MYO9A: variants seen among roughly 807,000 people sequenced by gnomAD.
MYO9A encodes the protein myosin IXA.
A neutral mutation model predicts 293.3 loss-of-function variants in MYO9A; 103 were observed. The ratio of observed to expected loss-of-function variants is 0.35; its 90% confidence interval spans 0.30 to 0.41. MYO9A has a LOEUF of 0.41. Among genes scored for constraint, MYO9A ranks in the 10% least tolerant of loss-of-function variants. MYO9A has a pLI of 1.00. For missense variants in MYO9A, 2,685 were observed against 3,033.0 expected, an observed-to-expected ratio of 0.89 and a Z score of 2.69; for synonymous variants, 1,001 against 1,035.7, an observed-to-expected ratio of 0.97 and a Z score of 0.64.
At chr15:71,938,302 TCTC>T (rs1245584114) in intron 16 of MYO9A, among the ~76,000 whole-genome samples, 1 of 151,530 alleles carries the variant, frequency 6.6e-6, no homozygotes, top group Non-Finnish European at 1.5e-5. Context: ...GAAACAATGT[TCTC>T]CTCATACAAA....
intron 4 of MYO9A, 74 bp downstream of exon 4, chr15:72,027,657 C>T: frequency 8.7e-7 from 1 of 1,155,040 alleles, no homozygotes; most frequent in East Asian, 2.4e-5. Context: ...GGTCATAATA[C>T]ACAAAGACCT....
At chr15:72,023,776 G>A (rs1035391863) in intron 4 of MYO9A, among the ~76,000 whole-genome samples, 9 of 148,558 alleles carry the variant, frequency 6.1e-5, no homozygotes, top group Non-Finnish European at 1.0e-4. Flanking sequence ...GGGACATAAA[G>A]AATACTTGAA....
chr15:72,062,591 T>C (rs1408592788), intron 1 of MYO9A, among the ~76,000 whole-genome samples: 3 of 152,050 alleles, frequency 2.0e-5, no homozygotes, highest in Admixed American at 6.6e-5. Flanking sequence ...AACAGCAGAA[T>C]TGGTCAAGCA....
chr15:71,856,852 A>G (rs1429652857), intron 34 of MYO9A, among the ~76,000 whole-genome samples: 1 of 152,214 alleles, frequency 6.6e-6, no homozygotes, highest in African/African-American at 2.4e-5. Flanking sequence ...CCTTGTCACT[A>G]TGTGAACTTG....
intron 1 of MYO9A, among the ~76,000 whole-genome samples, chr15:72,091,087 T>TA (rs2079892080): frequency 6.6e-6 from 1 of 151,986 alleles, no homozygotes; most frequent in Non-Finnish European, 1.5e-5. Flanking sequence ...TAGTCCTAGC[T>TA]ACTTGGCAGG....
intron 9 of MYO9A, among the ~76,000 whole-genome samples, chr15:71,998,391 C>T (rs2076762123): frequency 6.6e-6 from 1 of 151,962 alleles, no homozygotes; most frequent in South Asian, 2.1e-4. Flanking sequence ...CAACAAACCC[C>T]CATGACACAA....
chr15:72,074,698 G>A (rs1425142899), intron 1 of MYO9A, among the ~76,000 whole-genome samples: 1 of 152,218 alleles, frequency 6.6e-6, no homozygotes, highest in Non-Finnish European at 1.5e-5. Flanking sequence ...CTGCAGAGTA[G>A]AAAGTCAAGT....
intron 1 of MYO9A, among the ~76,000 whole-genome samples, chr15:72,084,989 T>C (rs1223737854): frequency 6.6e-6 from 1 of 152,216 alleles, no homozygotes; most frequent in African/African-American, 2.4e-5. Flanking sequence ...GAGGTTTTGT[T>C]TGTTCATCTT....
At chr15:71,870,215 TAA>T (rs937709972) in intron 32 of MYO9A, among the ~76,000 whole-genome samples, 6 of 140,828 alleles carry the variant, frequency 4.3e-5, no homozygotes, top group Admixed American at 7.1e-5. Flanking sequence ...TAAAAGTGGT[TAA>T]AAAAAAAAAA....
At chr15:72,099,909 CAAAAAAA>C (rs34892673) in intron 1 of MYO9A, among the ~76,000 whole-genome samples, 1 of 39,818 alleles carries the variant, frequency 2.5e-5, no homozygotes, top group African/African-American at 1.3e-4. Context: ...GACTTGGTCT[CAAAAAAA>C]AAAAAAAAAA....
At position 71,935,233 on chromosome 15, in the gene MYO9A, G is replaced by T. The variant is rs532533554; in HGVS notation, c.2522+108C>A. The T allele has an allele frequency of 2.8e-5, 34 of 1,213,354 alleles. No homozygotes were observed. The African/African-American group carries it at 4.9e-4, about 17-fold the overall frequency. 75.2% of individuals were successfully genotyped at this position (1,213,354 alleles called of 1,614,324 possible). ...TTGTTTCAGTCAAAATTCTTCCCAT[G>T]AAAATAACATTTCACCATCTTCCTT... On this transcript the variant is annotated intron_variant, in intron 17 of 41. Transcript: ENST00000356056.
chr15:72,110,214 T>C (rs1400190499), intron 1 of MYO9A, among the ~76,000 whole-genome samples: 1 of 151,148 alleles, frequency 6.6e-6, no homozygotes, highest in Non-Finnish European at 1.5e-5. Context: ...GGCAGGTAGA[T>C]TACCTGAGGT....
chr15:71,982,005 ATTTTTTTTTTTTTTTT>A (rs750930471), intron 11 of MYO9A, among the ~76,000 whole-genome samples: 1 of 56,258 alleles, frequency 1.8e-5, no homozygotes, highest in Non-Finnish European at 2.9e-5. Context: ...CCTATTTAGA[ATTTTTTTTTTTTTTTT>A]TTTTTTTTTT....
At chr15:71,972,743 T>C (rs1302401265) in intron 12 of MYO9A, among the ~76,000 whole-genome samples, 1 of 152,148 alleles carries the variant, frequency 6.6e-6, no homozygotes, top group Non-Finnish European at 1.5e-5. Flanking sequence ...CACTGAAACA[T>C]GTGGTTTGGG....
chr15:71,894,765 T>C (rs2057276210), intron 25 of MYO9A, among the ~76,000 whole-genome samples: 1 of 152,356 alleles, frequency 6.6e-6, no homozygotes, highest in Admixed American at 6.5e-5. Context: ...CATTAAATTC[T>C]GGGCAGAAAT....
In MYO9A at chr15:72,031,299, A is replaced by C. The variant is rs138336385; in HGVS notation, c.935+1195T>G. ...CCTGAAATCCAAGATTAGCCTGGCC[A>C]ACACAGTGAAACAGCATCTCTACCA... On this transcript the variant is annotated intron_variant, in intron 3 of 41. Coordinates refer to ENST00000356056, the MANE Select transcript of MYO9A (RefSeq NM_006901.4). Among the ~76,000 whole-genome samples the C allele has an allele frequency of 2.6e-3, 398 of 152,236 alleles. 3 individuals carry two copies. Among genetic ancestry groups the C allele is most frequent in the African/African-American group, 9.5e-3 (393 of 41,554 alleles).
intron 19 of MYO9A, among the ~76,000 whole-genome samples, chr15:71,907,100 T>G (rs1213105583): frequency 1.9e-4 from 20 of 107,612 alleles, no homozygotes; most frequent in South Asian, 3.3e-4. Flanking sequence ...CCCCTCCCCC[T>G]ACCCCACAAC....
At chr15:71,902,375 T>C (rs911808085) in intron 22 of MYO9A, among the ~76,000 whole-genome samples, 4 of 151,906 alleles carry the variant, frequency 2.6e-5, no homozygotes, top group African/African-American at 9.7e-5. Context: ...ATGAGTAGAA[T>C]AAATTAAATG....
At chr15:71,912,258 G>GTTTTTTTTTTTT (rs34858713) in intron 19 of MYO9A, among the ~76,000 whole-genome samples, 3 of 145,692 alleles carry the variant, frequency 2.1e-5, no homozygotes, top group Non-Finnish European at 3.0e-5. Flanking sequence ...AAAGAGAAAA[G>GTTTTTTTTTTTT]TTTTTTTTTT....
Sources: gnomAD v4.1 joint callset for allele counts (sites outside exome capture counted in the v4.1 genomes callset) on GRCh38, gnomAD v4.1.1 for gene constraint, MANE v1.5 for transcripts, NCBI Gene and HGNC (gene_info 2026-07-23, HGNC 2026-07-21) for gene names.